The following MARK3 variants were observed in gnomAD, a reference collection of about 807,000 sequenced individuals.
The protein encoded by MARK3 is MAP/microtubule affinity-regulating kinase 3.
A neutral mutation model predicts 90.1 loss-of-function variants in MARK3; 46 were observed. The ratio of observed to expected loss-of-function variants is 0.51; its 90% confidence interval spans 0.40 to 0.65. The LOEUF is 0.65. Among genes scored for constraint, MARK3 ranks in the 30% least tolerant of loss-of-function variants. MARK3 has a pLI of 0.00. For missense variants in MARK3, 818 were observed against 947.2 expected (o/e 0.86, Z 1.79); for synonymous variants, 321 against 332.6 (o/e 0.97, Z 0.38).
At chr14:103,474,470 G>T (rs2093682886) in intron 12 of MARK3, among the ~76,000 whole-genome samples, 1 of 83,940 alleles carries the variant, frequency 1.2e-5, no homozygotes, top group South Asian at 5.5e-4. Flanking sequence ...TCGCTTGCAT[G>T]ATTCCTCTGC....
At chr14:103,414,107 T>G (rs142031758) in intron 2 of MARK3, among the ~76,000 whole-genome samples, 2,019 of 152,328 alleles carry the variant, frequency 0.013, 42 homozygotes, top group African/African-American at 0.045. Context: ...AAACTGATTT[T>G]ATATAACAGT....
intron 1 of MARK3, among the ~76,000 whole-genome samples, chr14:103,400,942 T>TG (rs1376081140): frequency 1.3e-4 from 12 of 93,424 alleles, no homozygotes; most frequent in Admixed American, 6.5e-4. Flanking sequence ...TATATAACAT[T>TG]TTGTGTGTGT....
intron 3 of MARK3, among the ~76,000 whole-genome samples, chr14:103,429,936 G>A (rs2092530635): frequency 6.6e-6 from 1 of 152,024 alleles, no homozygotes; most frequent in Admixed American, 6.6e-5. Flanking sequence ...TATCAAGTTG[G>A]CTGCAGTTTT....
chr14:103,496,917 C>T (rs1687995797), intron 15 of MARK3, among the ~76,000 whole-genome samples: 2 of 151,840 alleles, frequency 1.3e-5, no homozygotes, highest in Non-Finnish European at 2.9e-5. Flanking sequence ...TGGTGCATGC[C>T]TGTAGTCCCA....
intron 1 of MARK3, among the ~76,000 whole-genome samples, chr14:103,392,431 G>A (rs751603679): frequency 3.3e-5 from 5 of 152,094 alleles, no homozygotes; most frequent in Non-Finnish European, 5.9e-5. Context: ...GATTTTACCC[G>A]TAGAATTGGA....
chr14:103,431,753 C>G (rs2092589179), intron 3 of MARK3, among the ~76,000 whole-genome samples: 3 of 152,164 alleles, frequency 2.0e-5, no homozygotes, highest in Admixed American at 2.0e-4. Context: ...AGCCTTTTCC[C>G]CTTACTTCAG....
At chr14:103,493,375 C>G (rs2075123916) in intron 15 of MARK3, among the ~76,000 whole-genome samples, 2 of 150,336 alleles carry the variant, frequency 1.3e-5, no homozygotes, top group African/African-American at 2.4e-5. Flanking sequence ...CATCCATTAG[C>G]ATTAACTAGA....
chr14:103,390,185 T>C (rs1198160121), intron 1 of MARK3, among the ~76,000 whole-genome samples: 2 of 144,868 alleles, frequency 1.4e-5, no homozygotes, highest in African/African-American at 5.1e-5. Flanking sequence ...GAGGCGGAGC[T>C]TGCAGTGAGC....
intron 2 of MARK3, among the ~76,000 whole-genome samples, chr14:103,415,135 AG>A (rs1434929461): frequency 7.3e-6 from 1 of 137,212 alleles, no homozygotes; most frequent in Admixed American, 7.6e-5. Context: ...CTGGCAACAG[AG>A]TAAGACCTTG....
intron 14 of MARK3, among the ~76,000 whole-genome samples, chr14:103,485,943 C>T (rs1192211598): frequency 1.3e-5 from 2 of 152,122 alleles, no homozygotes; most frequent in Admixed American, 6.5e-5. Flanking sequence ...TTAATAGGAA[C>T]TCTCTTCATG....
At chr14:103,484,978 G>A (rs1411999591) in intron 14 of MARK3, among the ~76,000 whole-genome samples, 5 of 150,456 alleles carry the variant, frequency 3.3e-5, no homozygotes, top group African/African-American at 7.4e-5. Context: ...AGCACTTTGC[G>A]AAGCTGAGGT....
At chr14:103,395,457 T>A (rs1445240107) in intron 1 of MARK3, among the ~76,000 whole-genome samples, 1 of 152,174 alleles carries the variant, frequency 6.6e-6, no homozygotes, top group Non-Finnish European at 1.5e-5. Flanking sequence ...CATCAGGCAT[T>A]CAGTCACTTT....
chr14:103,462,522 G>A lies in MARK3; in HGVS notation c.540+61G>A, dbSNP rs185891273. 3.3e-5 allele frequency: 42 copies of A among 1,277,940 alleles called. No individual in the cohort carries two copies. The Middle Eastern group carries it at 9.6e-4, about 29-fold the overall frequency. The allele number at this position is 1,277,940 out of a possible 1,614,324, so 79.2% of individuals were successfully genotyped here. On this transcript the variant is annotated intron_variant, in intron 7 of 17. Coordinates refer to ENST00000429436, the MANE Select transcript of MARK3 (RefSeq NM_001128918.3). ...CTGTTTGTGTGCAGTTCTCTCAGTG[G>A]TCATTACACAAATGAGGTATAGATT...
At chr14:103,460,247 G>T (rs1347086900) in intron 6 of MARK3, among the ~76,000 whole-genome samples, 1 of 151,538 alleles carries the variant, frequency 6.6e-6, no homozygotes, top group Non-Finnish European at 1.5e-5. Context: ...CACTACGCCC[G>T]GCTAATTTTT....
intron 3 of MARK3, among the ~76,000 whole-genome samples, chr14:103,437,286 C>T (rs781758482): frequency 8.6e-5 from 13 of 151,462 alleles, no homozygotes; most frequent in Non-Finnish European, 1.5e-4. Flanking sequence ...ATTATAAACT[C>T]GGGAAGCTGA....
At chr14:103,448,727 T>G (rs2093055606) in intron 3 of MARK3, among the ~76,000 whole-genome samples, 192 bp from the exon 4 acceptor site, 1 of 152,222 alleles carries the variant, frequency 6.6e-6, no homozygotes, top group African/African-American at 2.4e-5. Context: ...GGAATACTAT[T>G]TGGTAATAGT....
intron 6 of MARK3, 82 bp from the exon 7 acceptor site, chr14:103,462,323 T>A: frequency 1.0e-6 from 1 of 983,270 alleles, no homozygotes; most frequent in Non-Finnish European, 1.6e-6. Context: ...GTATTCATTA[T>A]GTGTGAACAT....
intron 13 of MARK3, among the ~76,000 whole-genome samples, chr14:103,478,996 A>G (rs1033922812): frequency 4.6e-5 from 7 of 152,154 alleles, no homozygotes; most frequent in Non-Finnish European, 7.4e-5. Context: ...ACAAATTTCT[A>G]TGTGGACTTA....
At chr14:103,442,226 T>C (rs1285476696) in intron 3 of MARK3, among the ~76,000 whole-genome samples, 1 of 151,934 alleles carries the variant, frequency 6.6e-6, no homozygotes, top group Non-Finnish European at 1.5e-5. Flanking sequence ...AAAAATTAGC[T>C]GGGCGTGGTG....
Sources: allele counts gnomAD v4.1 joint callset (sites outside exome capture counted in the v4.1 genomes callset), GRCh38; gene constraint gnomAD v4.1.1; transcripts MANE v1.5; gene names NCBI Gene and HGNC (gene_info 2026-07-23, HGNC 2026-07-21).